PRKG1: variants seen among roughly 807,000 people sequenced by gnomAD.
The protein encoded by PRKG1 is cGMP-dependent protein kinase 1.
In PRKG1, 35 loss-of-function variants were observed where a neutral mutation model predicts 88.1. The observed-to-expected ratio is 0.40, with a 90% CI of 0.30 to 0.53. The LOEUF (loss-of-function observed/expected upper bound fraction) is 0.53, where lower values mean the gene tolerates loss of function less well. Among genes scored for constraint, PRKG1 ranks in the 20% least tolerant of loss-of-function variants. The probability of loss-of-function intolerance (pLI) is 0.59; values close to 1 mark genes in which losing one functional copy is unlikely to be tolerated. For missense variants in PRKG1, 540 were observed against 839.8 expected (o/e 0.64, Z 4.41); for synonymous variants, 303 against 292.5 (o/e 1.04, Z -0.37).
Position 52,251,830 on chromosome 10 carries a change from A to C in PRKG1, c.1173+164A>C, listed in dbSNP as rs527900986. The C allele has an allele frequency of 5.6e-5, 33 of 591,038 alleles. 1 individual carries two copies. In the African/African-American group the frequency reaches 6.0e-4, roughly 11 times the overall value. 36.6% of individuals were successfully genotyped at this position (591,038 alleles called of 1,614,324 possible). On this transcript the variant is annotated intron_variant, in intron 10 of 17. Transcript: ENST00000373980. ...TTTGCGGCAGACATGTCATAATTAG[A>C]CACAAAGTGGGCTAAATTATGCAGT...
At chr10:51,180,738 A>T (rs1169537343) in intron 2 of PRKG1, among the ~76,000 whole-genome samples, 1 of 152,216 alleles carries the variant, frequency 6.6e-6, no homozygotes, top group Non-Finnish European at 1.5e-5. Flanking sequence ...ATCTCTCATT[A>T]GGGTTCTTTC....
At chr10:51,260,330 G>T (rs904624173) in intron 2 of PRKG1, among the ~76,000 whole-genome samples, 7 of 152,018 alleles carry the variant, frequency 4.6e-5, no homozygotes, top group Non-Finnish European at 7.3e-5. Flanking sequence ...TATGAAAGGG[G>T]TTTGTAAAAC....
rs139745509 is a variant in PRKG1 at position 51,115,563 on chromosome 10, G to A, written c.312-37601G>A. On this transcript the variant is annotated intron_variant, in intron 1 of 17. Coordinates refer to ENST00000373980, the MANE Select transcript of PRKG1 (RefSeq NM_006258.4). ...GTAAGAATGATAAAGAAGAAGGCTG[G>A]GTGTGGTGGCTCATGCCTGTAATCC... is the stretch of plus-strand genomic sequence containing the variant. 3.6e-3 allele frequency among the ~76,000 whole-genome samples: 540 copies of A among 150,010 alleles called. 7 individuals are homozygous for A. Among genetic ancestry groups the A allele is most frequent in the African/African-American group, 0.013 (513 of 40,892 alleles).
At chr10:51,186,980 A>G (rs950343693) in intron 2 of PRKG1, among the ~76,000 whole-genome samples, 14 of 143,724 alleles carry the variant, frequency 9.7e-5, no homozygotes, top group African/African-American at 2.0e-4. Context: ...ATATATATAT[A>G]TATGTATATA....
intron 2 of PRKG1, among the ~76,000 whole-genome samples, chr10:51,398,775 A>T (rs2132662613): frequency 6.6e-6 from 1 of 152,322 alleles, no homozygotes; most frequent in South Asian, 2.1e-4. Context: ...AGTGGCTCTC[A>T]TCTAATTAGT....
At chr10:51,676,075 G>C (rs1169819370) in intron 3 of PRKG1, among the ~76,000 whole-genome samples, 1 of 151,470 alleles carries the variant, frequency 6.6e-6, no homozygotes, top group Non-Finnish European at 1.5e-5. Context: ...TTTGGGACCA[G>C]CCTGGGCAAA....
chr10:50,997,169 T>C (rs1842844530), intron 1 of PRKG1, among the ~76,000 whole-genome samples: 1 of 152,118 alleles, frequency 6.6e-6, no homozygotes, highest in Non-Finnish European at 1.5e-5. Context: ...AAAATTTGGG[T>C]TGTTTGTTTT....
At chr10:51,372,691 A>G (rs1033035332) in intron 2 of PRKG1, among the ~76,000 whole-genome samples, 1 of 151,384 alleles carries the variant, frequency 6.6e-6, no homozygotes, top group Non-Finnish European at 1.5e-5. Context: ...ATGGAAATAG[A>G]TTTTGTCCTA....
chr10:52,108,187 T>C (rs1351581558), intron 7 of PRKG1, among the ~76,000 whole-genome samples: 1 of 152,222 alleles, frequency 6.6e-6, no homozygotes, highest in East Asian at 1.9e-4. Context: ...TCTGATCCCA[T>C]ATATGTTCCC....
chr10:51,311,769 C>T (rs931586210), intron 2 of PRKG1, among the ~76,000 whole-genome samples: 3 of 152,118 alleles, frequency 2.0e-5, no homozygotes, highest in African/African-American at 4.8e-5. Context: ...ATCATCTTCC[C>T]GTAGCTAAAC....
At position 51,446,915 on chromosome 10, in the gene PRKG1, T is replaced by C. The variant is rs141640844; in HGVS notation, c.479-20808T>C. Among the ~76,000 whole-genome samples the C allele has an allele frequency of 1.8e-3, 277 of 152,134 alleles. 1 individual carries two copies. Among genetic ancestry groups the C allele is most frequent in the African/African-American group, 6.3e-3 (263 of 41,562 alleles). On this transcript the variant is annotated intron_variant, in intron 2 of 17. Coordinates refer to ENST00000373980, the MANE Select transcript of PRKG1 (RefSeq NM_006258.4). ...TCTGAGAGACAAACCTTTTCCTAAA[T>C]CATACAAAGACCCACCCATGATAAA...
chr10:52,092,175 T>A lies in PRKG1; in HGVS notation c.935+29544T>A, dbSNP rs775083178. 6.9e-4 allele frequency among the ~76,000 whole-genome samples: 105 copies of A among 152,144 alleles called. 1 individual carries two copies. The highest frequency in any genetic ancestry group is 4.6e-4 in the Non-Finnish European group (31 of 68,016). The stretch of plus-strand genomic sequence containing the variant: ...TTTTATTATGCCTTAATTTTACCTG[T>A]TAGGGAGGATGACTCATAAGGGGTA... On this transcript the variant is annotated intron_variant, in intron 7 of 17. Transcript: ENST00000373980.
intron 4 of PRKG1, among the ~76,000 whole-genome samples, chr10:51,875,779 G>T (rs577314402): frequency 1.3e-5 from 2 of 152,240 alleles, no homozygotes; most frequent in African/African-American, 4.8e-5. Context: ...TCACAACTCT[G>T]GGGGGAAACA....
At chr10:51,707,184 A>G (rs1221185698) in intron 3 of PRKG1, among the ~76,000 whole-genome samples, 1 of 152,200 alleles carries the variant, frequency 6.6e-6, no homozygotes, top group Non-Finnish European at 1.5e-5. Flanking sequence ...CTTGGTGCAC[A>G]TTAGGTTCTT....
At chr10:52,233,196 A>AAG (rs112309140) in intron 9 of PRKG1, among the ~76,000 whole-genome samples, 75 of 150,416 alleles carry the variant, frequency 5.0e-4, no homozygotes, top group African/African-American at 1.7e-3. Flanking sequence ...AAAAAAAAAA[A>AAG]AGAGAGAGAG....
chr10:51,969,007 T>C (rs1843640844), intron 5 of PRKG1, among the ~76,000 whole-genome samples: 1 of 151,996 alleles, frequency 6.6e-6, no homozygotes, highest in Non-Finnish European at 1.5e-5. Flanking sequence ...CTTTAATGAT[T>C]CTAAAACAGC....
chr10:51,247,626 T>C (rs1286526979), intron 2 of PRKG1, among the ~76,000 whole-genome samples: 1 of 151,922 alleles, frequency 6.6e-6, no homozygotes, highest in African/African-American at 2.4e-5. Flanking sequence ...TATTCCCAAA[T>C]CCTCAGGGGC....
intron 1 of PRKG1, among the ~76,000 whole-genome samples, chr10:51,058,716 C>A (rs528373047): frequency 6.6e-6 from 1 of 152,210 alleles, no homozygotes; most frequent in Non-Finnish European, 1.5e-5. Context: ...TTGTTTATGA[C>A]ATTATTACCT....
intron 2 of PRKG1, among the ~76,000 whole-genome samples, chr10:51,299,346 C>T (rs1017375324): frequency 2.6e-5 from 4 of 152,102 alleles, no homozygotes; most frequent in African/African-American, 9.7e-5. Flanking sequence ...GGTAGGATTA[C>T]AGGCATCCTC....
Sources: allele counts gnomAD v4.1 joint callset (sites outside exome capture counted in the v4.1 genomes callset), GRCh38; gene constraint gnomAD v4.1.1; transcripts MANE v1.5; gene names NCBI Gene and HGNC (gene_info 2026-07-23, HGNC 2026-07-21).